KLHL25: variants seen among roughly 807,000 people sequenced by gnomAD.
KLHL25 encodes kelch-like protein 25.
A neutral mutation model predicts 30.0 loss-of-function variants in KLHL25; 41 were observed. That is an observed-to-expected ratio of 1.37 (90% confidence interval 1.07 to 1.78). KLHL25 has a LOEUF of 1.78. Among genes scored for constraint, KLHL25 ranks in the 40% most tolerant of loss-of-function variants. KLHL25 has a pLI of 0.00. For synonymous variants in KLHL25, 399 were observed against 355.3 expected (o/e 1.12, Z -1.38); for missense variants, 971 against 824.5 (o/e 1.18, Z -2.18).
chr15:85,787,122 C>T (rs1436708265), intron 1 of KLHL25, among the ~76,000 whole-genome samples: 2 of 144,122 alleles, frequency 1.4e-5, no homozygotes, highest in African/African-American at 5.2e-5. Context: ...CACCCCATCA[C>T]ATTAGCTAAA....
In KLHL25 at chr15:85,769,689, T is replaced by G. The variant is rs778852495; in HGVS notation, c.122A>C (p.Lys41Thr). Residue 41 changes from lysine to threonine, a missense_variant, in exon 2 of 3, where the codon AAG (lysine) becomes ACG (threonine). Coordinates refer to ENST00000337975, the MANE Select transcript of KLHL25 (RefSeq NM_022480.4). ...TGTGACGTCGGTGAACATGCAGTGC[T>G]TGCGAAGCGTGTTGAGGTGGGCCAG... ...CVLAHLNTLR[K>T]HCMFTDVTLW... The G allele has an allele frequency of 6.2e-7, 1 of 1,613,952 alleles. No homozygotes were observed.
At chr15:85,769,865 C>A (rs2089659402) in intron 1 of KLHL25, 45 bp from the exon 2 acceptor site, 2 of 1,479,686 alleles carry the variant, frequency 1.4e-6, no homozygotes, top group South Asian at 2.5e-5. Flanking sequence ...CCCTCCTGCC[C>A]ATCTGCCCTC....
chr15:85,776,857 G>A (rs573107402), intron 1 of KLHL25, among the ~76,000 whole-genome samples: 140 of 152,110 alleles, frequency 9.2e-4, no homozygotes, highest in African/African-American at 3.3e-3. Context: ...CTCAGGAGGC[G>A]GAGGTTGCAG....
At position 85,759,680 on chromosome 15, in the gene KLHL25, C is replaced by T. The variant is rs1474058033; in HGVS notation, c.*1356G>A. ...CCCCAAGAGGCCTCCAGGACCCGCACCAAGGCATGGGGGACACTCGTGGCT... is the reference window on the plus strand; with the variant it reads ...CCCCAAGAGGCCTCCAGGACCCGCATCAAGGCATGGGGGACACTCGTGGCT... On this transcript the variant is annotated 3_prime_UTR_variant, in exon 3 of 3. Coordinates refer to ENST00000337975, the MANE Select transcript of KLHL25 (RefSeq NM_022480.4). 1 of 152,342 alleles carries T rather than the reference C, an allele frequency of 6.6e-6. No individual in the cohort carries two copies. The highest frequency in any genetic ancestry group is 1.5e-5 in the Non-Finnish European group (1 of 68,132). 9.4% of individuals were successfully genotyped at this position (152,342 alleles called of 1,614,324 possible).
At chr15:85,778,663 G>A (rs956577534) in intron 1 of KLHL25, among the ~76,000 whole-genome samples, 1 of 152,198 alleles carries the variant, frequency 6.6e-6, no homozygotes, top group East Asian at 1.9e-4. Context: ...ACCCAAGACT[G>A]GGGAAGGGGC....
intron 2 of KLHL25, chr15:85,763,347 G>C (rs2089596660): frequency 2.0e-5 from 3 of 152,238 alleles, no homozygotes; most frequent in Admixed American, 2.0e-4. Flanking sequence ...CCCGTGGCCA[G>C]CTCCCCAGAG....
At chr15:85,771,985 T>C (rs2089678478) in intron 1 of KLHL25, among the ~76,000 whole-genome samples, 1 of 152,122 alleles carries the variant, frequency 6.6e-6, no homozygotes. Flanking sequence ...CTGATCGGAA[T>C]TGCCTAATCT....
intron 2 of KLHL25, among the ~76,000 whole-genome samples, chr15:85,767,347 C>T (rs534565994): frequency 3.3e-5 from 5 of 152,002 alleles, no homozygotes; most frequent in Non-Finnish European, 7.4e-5. Context: ...CATCTGCCCA[C>T]CTCAGCCCTC....
Position 85,785,655 on chromosome 15 carries a change from T to G in KLHL25, c.-11+9111A>C, listed in dbSNP as rs16944460. On this transcript the variant is annotated intron_variant, in intron 1 of 2. Coordinates refer to ENST00000337975, the MANE Select transcript of KLHL25 (RefSeq NM_022480.4). ...CAACCAGGGTAGGTGTGTGTCCACATGCAAACGTGTCTTGCTTTGTACAAC... is the reference window on the plus strand; with the variant it reads ...CAACCAGGGTAGGTGTGTGTCCACAGGCAAACGTGTCTTGCTTTGTACAAC... 4.0e-4 allele frequency among the ~76,000 whole-genome samples: 61 copies of G among 152,078 alleles called. No individual in the cohort carries two copies. The South Asian group carries it at 8.3e-3, about 21-fold the overall frequency.
chr15:85,769,099 G>C lies in KLHL25; in HGVS notation c.712C>G (p.Leu238Val). Residue 238 changes from leucine (L) to valine (V), a missense_variant, in exon 2 of 3, where the codon CTG becomes GTG. Coordinates refer to ENST00000337975, the MANE Select transcript of KLHL25 (RefSeq NM_022480.4). ...AGGCAGTCGGACGGCAGCAAGGCCA[G>C]ACGCACGCTGCGGAGGAGCTCGGGC... ...HLPELLRSVRLALLPSDCLQE... is the reference protein window; with the variant it reads ...HLPELLRSVRVALLPSDCLQE... 6.2e-7 allele frequency: 1 copy of C among 1,606,948 alleles called. No homozygotes were observed. The highest frequency in any genetic ancestry group is 8.5e-7 in the Non-Finnish European group (1 of 1,175,378).
At chr15:85,784,003 G>C (rs1019803552) in intron 1 of KLHL25, among the ~76,000 whole-genome samples, 3 of 152,222 alleles carry the variant, frequency 2.0e-5, no homozygotes, top group East Asian at 1.9e-4. Flanking sequence ...CACGTAAAGA[G>C]TGTAGCATGG....
chr15:85,793,251 G>A (rs1296712652), intron 1 of KLHL25, among the ~76,000 whole-genome samples: 1 of 152,068 alleles, frequency 6.6e-6, no homozygotes, highest in Non-Finnish European at 1.5e-5. Context: ...TCTTCTCTCC[G>A]CACCACATAC....
At chr15:85,783,832 G>A (rs1182957289) in intron 1 of KLHL25, among the ~76,000 whole-genome samples, 1 of 152,188 alleles carries the variant, frequency 6.6e-6, no homozygotes, top group Non-Finnish European at 1.5e-5. Flanking sequence ...AAGGTTAGAT[G>A]CTAAGAGTCC....
intron 1 of KLHL25, among the ~76,000 whole-genome samples, chr15:85,782,657 T>C (rs77513146): frequency 0.033 from 4,984 of 152,142 alleles, 189 homozygotes; most frequent in East Asian, 0.19. Flanking sequence ...GCTCAGAAAA[T>C]GAATGCAGTA....
chr15:85,763,362 CTGCAGGCAGGCG>C (rs1386051915), intron 2 of KLHL25: 1 of 152,288 alleles, frequency 6.6e-6, no homozygotes, highest in African/African-American at 2.4e-5. Context: ...CCAGAGGCGC[CTGCAGGCAGGCG>C]GCACACTCAG....
intron 1 of KLHL25, among the ~76,000 whole-genome samples, chr15:85,783,868 T>C (rs1001935415): frequency 3.3e-5 from 5 of 152,166 alleles, no homozygotes; most frequent in African/African-American, 9.6e-5. Context: ...AGCACTGCCA[T>C]TGCTACCTGT....
In KLHL25 at chr15:85,785,094, C is replaced by CTT. The variant is rs11419946; in HGVS notation, c.-11+9670_-11+9671dup. ...GCAGAGACTGATGTATTTCTTTTTT[C>CTT]TTTTTTTTTTTTTTTCTGAGACAGT... is the stretch of plus-strand genomic sequence containing the variant. On this transcript the variant is annotated intron_variant, in intron 1 of 2. Coordinates refer to ENST00000337975, the MANE Select transcript of KLHL25 (RefSeq NM_022480.4). Among the ~76,000 whole-genome samples the CTT allele has an allele frequency of 1.2e-3, 174 of 142,294 alleles. 1 individual carries two copies. Among genetic ancestry groups the CTT allele is most frequent in the Non-Finnish European group, 2.1e-3 (137 of 65,744 alleles). 93.4% of individuals were successfully genotyped at this position (142,294 alleles called of 152,430 possible).
Position 85,768,140 on chromosome 15 carries a change from G to C in KLHL25, c.1671C>G (p.Cys557Trp). The C allele has an allele frequency of 6.2e-7, 1 of 1,614,228 alleles. No homozygotes were observed. The change falls in exon 2 of 3, where the codon TGC becomes TGG. Residue 557 changes from cysteine to tryptophan, a missense_variant. Transcript: ENST00000337975. ...FGTQRCKTLD[C>W]YDPTSDTWNC... ...TCCATGTATCTGAAGTGGGGTCATAGCAGTCCAGAGTCTTACACCTCTGGG... is the reference window on the plus strand; with the variant it reads ...TCCATGTATCTGAAGTGGGGTCATACCAGTCCAGAGTCTTACACCTCTGGG...
intron 1 of KLHL25, among the ~76,000 whole-genome samples, chr15:85,774,237 C>T (rs1297522135): frequency 1.3e-5 from 2 of 152,144 alleles, no homozygotes; most frequent in African/African-American, 4.8e-5. Flanking sequence ...GTTCTCATGA[C>T]CTAAGCGTCG....
Sources: gnomAD v4.1 joint callset for allele counts (sites outside exome capture counted in the v4.1 genomes callset) on GRCh38, gnomAD v4.1.1 for gene constraint, MANE v1.5 for transcripts, NCBI Gene and HGNC (gene_info 2026-07-23, HGNC 2026-07-21) for gene names.